Variants in DHX8 observed in about 807,000 individuals in gnomAD.
DHX8 encodes the protein ATP-dependent RNA helicase DHX8.
DHX8 carries 67 observed loss-of-function variants against 140.7 expected under a neutral mutation model. The observed-to-expected ratio is 0.48, with a 90% CI of 0.39 to 0.58. The LOEUF (loss-of-function observed/expected upper bound fraction) is 0.58, where lower values mean the gene tolerates loss of function less well. Among genes scored for constraint, DHX8 ranks in the 20% least tolerant of loss-of-function variants. The pLI is 0.00. For synonymous variants in DHX8, 533 were observed against 553.2 expected, an observed-to-expected ratio of 0.96 and a Z score of 0.51; for missense variants, 887 against 1,550.7, an observed-to-expected ratio of 0.57 and a Z score of 7.19.
intron 3 of DHX8, among the ~76,000 whole-genome samples, chr17:43,538,494 G>A (rs1403780982): frequency 6.6e-6 from 1 of 152,152 alleles, no homozygotes; most frequent in Non-Finnish European, 1.5e-5. Context: ...ATGCCAGGAT[G>A]GGTGGAGCTG....
At chr17:43,529,458 G>A, downstream of DHX8, 1 of 1,572,898 alleles carries the variant, frequency 6.4e-7, no homozygotes, top group African/African-American at 1.4e-5. Context: ...CCACCTCCAG[G>A]CTGTAAACTT....
chr17:43,535,131 G>C (rs987288525), intron 2 of DHX8, among the ~76,000 whole-genome samples: 1 of 152,152 alleles, frequency 6.6e-6, no homozygotes, highest in Non-Finnish European at 1.5e-5. Flanking sequence ...GTTCCAAGCC[G>C]GTGTGAGATT....
At chr17:43,528,369 TCA>T (rs1970689179), downstream of DHX8, 7 of 576,464 alleles carry the variant, frequency 1.2e-5, no homozygotes, top group Non-Finnish European at 2.1e-5. Flanking sequence ...GGTGAGCAGC[TCA>T]GAGTCTGGGC....
chr17:43,506,266 A>G (rs1018687633), intron 12 of DHX8, among the ~76,000 whole-genome samples: 1 of 151,170 alleles, frequency 6.6e-6, no homozygotes, highest in African/African-American at 2.4e-5. Context: ...TTGGCCTCCC[A>G]AAGTGCTAGG....
chr17:43,514,187 T>TA (rs35174807), intron 17 of DHX8, among the ~76,000 whole-genome samples: 45,718 of 151,312 alleles, frequency 0.3, 7,458 homozygotes, highest in African/African-American at 0.42. Context: ...ATAAAAAATT[T>TA]AAAAAAAATT....
chr17:43,508,646 G>A lies in DHX8; in HGVS notation c.2502+126G>A, dbSNP rs933555683. 4.9e-6 allele frequency: 3 copies of A among 610,866 alleles called. No individual in the cohort carries two copies. The African/African-American group carries it at 5.9e-5, about 12-fold the overall frequency. The allele number at this position is 610,866 out of a possible 1,614,324, so 37.8% of individuals were successfully genotyped here. Reference sequence around the variant, plus strand: ...TTTTTTTTTTTTTTTCCTCGAGGCAGAGTCTCGCTCTCACCCAGGCAGGAG... The same window carrying A: ...TTTTTTTTTTTTTTTCCTCGAGGCAAAGTCTCGCTCTCACCCAGGCAGGAG... On this transcript the variant is annotated intron_variant, in intron 16 of 22. Transcript: ENST00000262415.
At chr17:43,484,809 T>C (rs1968035755) in intron 1 of DHX8, among the ~76,000 whole-genome samples, 1 of 151,940 alleles carries the variant, frequency 6.6e-6, no homozygotes, top group African/African-American at 2.4e-5. Flanking sequence ...GCTCGACTCA[T>C]TTTTAAATTT....
intron 9 of DHX8, among the ~76,000 whole-genome samples, chr17:43,498,044 G>A (rs111265548): frequency 1.8e-3 from 276 of 152,170 alleles, no homozygotes; most frequent in African/African-American, 6.2e-3. Flanking sequence ...CAGTTCTTGG[G>A]CTGGAGCACA....
intron 22 of DHX8, among the ~76,000 whole-genome samples, chr17:43,523,113 TA>T (rs995612023): frequency 2.7e-4 from 40 of 146,160 alleles, no homozygotes; most frequent in Admixed American, 3.4e-4. Flanking sequence ...TGATGTAGTT[TA>T]AAAAAAAAAA....
At chr17:43,497,176 A>G (rs957345813) in intron 9 of DHX8, among the ~76,000 whole-genome samples, 1 of 151,852 alleles carries the variant, frequency 6.6e-6, no homozygotes, top group African/African-American at 2.4e-5. Context: ...ATCCCTAAAC[A>G]TTATATTGTG....
intron 1 of DHX8, among the ~76,000 whole-genome samples, chr17:43,484,834 G>C (rs1343297202): frequency 6.6e-6 from 1 of 152,098 alleles, no homozygotes; most frequent in Non-Finnish European, 1.5e-5. Flanking sequence ...TAGAGACGGG[G>C]GTCTCACTGT....
In DHX8 at chr17:43,524,846, G is replaced by C. The variant is rs1375884305; in HGVS notation, c.*999G>C. 1.0e-6 allele frequency: 1 copy of C among 985,292 alleles called. No individual in the cohort carries two copies. Among genetic ancestry groups the C allele is most frequent in the African/African-American group, 1.7e-5 (1 of 57,282 alleles). The allele number at this position is 985,292 out of a possible 1,614,324, so 61.0% of individuals were successfully genotyped here. The stretch of plus-strand genomic sequence containing the variant: ...AACATAACACCTCTCCTCTCAGCTG[G>C]TTTGTGCTGCCAGTATCTGTGCTGC... On this transcript the variant is annotated 3_prime_UTR_variant, in exon 23 of 23. Coordinates refer to ENST00000262415, the MANE Select transcript of DHX8 (RefSeq NM_004941.3).
intron 8 of DHX8, among the ~76,000 whole-genome samples, chr17:43,495,755 GA>G (rs1384373298): frequency 2.6e-5 from 4 of 152,056 alleles, no homozygotes; most frequent in Non-Finnish European, 5.9e-5. Context: ...GGTCAGAGGA[GA>G]AAAAAACTGG....
intron 9 of DHX8, among the ~76,000 whole-genome samples, chr17:43,497,726 G>T (rs1020294281): frequency 1.3e-5 from 2 of 152,028 alleles, no homozygotes; most frequent in Non-Finnish European, 2.9e-5. Context: ...CTGTGCTGTA[G>T]CCTGGGCAAC....
In DHX8 at chr17:43,525,215, C is replaced by G; in HGVS notation, c.*1368C>G. On this transcript the variant is annotated 3_prime_UTR_variant, in exon 23 of 23. Transcript: ENST00000262415. Reference sequence around the variant, plus strand: ...GAAGCTTCTGAGAGATTGGGCACATCCTGTTACGTTGCTGCTTCTCCTGTC... The same window carrying G: ...GAAGCTTCTGAGAGATTGGGCACATGCTGTTACGTTGCTGCTTCTCCTGTC... 1 of 985,450 alleles carries G rather than the reference C, an allele frequency of 1.0e-6. No individual in the cohort carries two copies. The highest frequency in any genetic ancestry group is 1.2e-6 in the Non-Finnish European group (1 of 829,950). The allele number at this position is 985,450 out of a possible 1,614,324, so 61.0% of individuals were successfully genotyped here.
At chr17:43,528,751 G>T, downstream of DHX8, 1 of 1,612,522 alleles carries the variant, frequency 6.2e-7, no homozygotes, top group South Asian at 1.1e-5. Flanking sequence ...CACCTATGGG[G>T]AGAGAGAAGG....
chr17:43,489,613 CAG>C (rs1385750310), intron 2 of DHX8, 79 bp downstream of exon 2: 16 of 1,113,890 alleles, frequency 1.4e-5, no homozygotes, highest in African/African-American at 9.6e-5. Context: ...TTTTTTGAGA[CAG>C]AGTTTTGCTC....
intron 16 of DHX8, among the ~76,000 whole-genome samples, chr17:43,510,158 C>T (rs1390902501): frequency 6.6e-6 from 1 of 152,114 alleles, no homozygotes; most frequent in East Asian, 1.9e-4. Flanking sequence ...AAGTGATTCT[C>T]CTGCCTCAGC....
Position 43,506,125 on chromosome 17 carries a change from T to G in DHX8, c.1729-878T>G, listed in dbSNP as rs114271663. 6.8e-3 allele frequency among the ~76,000 whole-genome samples: 1,029 copies of G among 151,912 alleles called. 16 individuals carry two copies. The highest frequency in any genetic ancestry group is 0.023 in the African/African-American group (970 of 41,476). On this transcript the variant is annotated intron_variant, in intron 12 of 22. Coordinates refer to ENST00000262415, the MANE Select transcript of DHX8 (RefSeq NM_004941.3). ...CTCAAGTGATCTTCCCACCTCAGACTCCCAAGTAGATGGGACTACAAGGCA... is the reference window on the plus strand; with the variant it reads ...CTCAAGTGATCTTCCCACCTCAGACGCCCAAGTAGATGGGACTACAAGGCA...
Sources: allele counts gnomAD v4.1 joint callset (sites outside exome capture counted in the v4.1 genomes callset), GRCh38; gene constraint gnomAD v4.1.1; transcripts MANE v1.5; gene names NCBI Gene and HGNC (gene_info 2026-07-23, HGNC 2026-07-21).